NCAM2: variants seen among roughly 807,000 people sequenced by gnomAD.
The protein encoded by NCAM2 is N-CAM-2.
NCAM2 carries 30 observed loss-of-function variants against 98.1 expected under a neutral mutation model. That is an observed-to-expected ratio of 0.31 (90% CI 0.23 to 0.41). The LOEUF (loss-of-function observed/expected upper bound fraction) is 0.41. Ranked by LOEUF, NCAM2 falls within the 10% of genes least tolerant of loss-of-function variation. The pLI, the probability that NCAM2 is intolerant of heterozygous loss-of-function variation, is 1.00. For missense variants in NCAM2, 867 were observed against 1,005.8 expected, an observed-to-expected ratio of 0.86 and a Z score of 1.87; for synonymous variants, 368 against 342.4, an observed-to-expected ratio of 1.07 and a Z score of -0.83.
At chr21:21,270,895 T>A (rs1289079440) in intron 1 of NCAM2, among the ~76,000 whole-genome samples, 4 of 152,140 alleles carry the variant, frequency 2.6e-5, no homozygotes, top group Non-Finnish European at 5.9e-5. Context: ...CTTCCCTAGT[T>A]CATCATCTCT....
chr21:21,088,400 G>GTGTA (rs2065944255), intron 1 of NCAM2, among the ~76,000 whole-genome samples: 1 of 152,130 alleles, frequency 6.6e-6, no homozygotes, highest in African/African-American at 2.4e-5. Context: ...ATATGTAATT[G>GTGTA]TGTATATGGC....
At chr21:21,346,222 A>AAC (rs1555877226) in intron 8 of NCAM2, among the ~76,000 whole-genome samples, 2 of 151,758 alleles carry the variant, frequency 1.3e-5, no homozygotes, top group Non-Finnish European at 2.9e-5. Flanking sequence ...AAAAAAAAAA[A>AAC]AACAGGAGTC....
intron 1 of NCAM2, among the ~76,000 whole-genome samples, chr21:21,237,567 T>C (rs936711030): frequency 1.3e-5 from 2 of 152,120 alleles, no homozygotes; most frequent in African/African-American, 4.8e-5. Context: ...AAATAAAGGA[T>C]TTATATCCCA....
intron 16 of NCAM2, among the ~76,000 whole-genome samples, chr21:21,517,171 C>T (rs2146377698): frequency 6.6e-6 from 1 of 152,292 alleles, no homozygotes; most frequent in East Asian, 1.9e-4. Flanking sequence ...TTCAATTCCA[C>T]TTCAAATGCT....
At chr21:21,484,522 T>C (rs1986177729) in intron 15 of NCAM2, among the ~76,000 whole-genome samples, 1 of 152,188 alleles carries the variant, frequency 6.6e-6, no homozygotes, top group African/African-American at 2.4e-5. Context: ...CTGCTGGGTT[T>C]TCTTTCATTA....
In NCAM2 at chr21:21,273,811, A is replaced by T. The variant is rs1390662505; in HGVS notation, c.56-6767A>T. Reference sequence around the variant, plus strand: ...AATTTATTATTATTTCTTGTTTAGGATGAAACTTTATTAAAGAGTGTGCAT... The same window carrying T: ...AATTTATTATTATTTCTTGTTTAGGTTGAAACTTTATTAAAGAGTGTGCAT... On this transcript the variant is annotated intron_variant, in intron 1 of 17. Coordinates refer to ENST00000400546, the MANE Select transcript of NCAM2 (RefSeq NM_004540.5). 2.0e-5 allele frequency among the ~76,000 whole-genome samples: 3 copies of T among 152,038 alleles called. No individual in the cohort carries two copies. The East Asian group carries it at 5.8e-4, about 29-fold the overall frequency.
At chr21:21,210,464 T>A (rs964285722) in intron 1 of NCAM2, 1 of 1,174,014 alleles carries the variant, frequency 8.5e-7, no homozygotes, top group African/African-American at 1.6e-5. Flanking sequence ...ATATTTACTG[T>A]AAGAATTCTT....
At chr21:21,245,106 T>C (rs1285669146) in intron 1 of NCAM2, among the ~76,000 whole-genome samples, 1 of 152,138 alleles carries the variant, frequency 6.6e-6, no homozygotes. Context: ...TTCATTTTTC[T>C]ATGTGGCGGC....
intron 1 of NCAM2, among the ~76,000 whole-genome samples, chr21:21,205,780 T>A (rs191418110): frequency 5.3e-5 from 8 of 152,244 alleles, no homozygotes; most frequent in African/African-American, 1.9e-4. Context: ...AGCTGCAAAG[T>A]CCAAGATTAG....
intron 1 of NCAM2, among the ~76,000 whole-genome samples, chr21:21,025,320 C>T (rs1411714980): frequency 6.6e-6 from 1 of 152,102 alleles, no homozygotes; most frequent in Non-Finnish European, 1.5e-5. Flanking sequence ...CTCCTGACCT[C>T]GTGGCCTGCC....
At chr21:21,043,831 G>A (rs2064955149) in intron 1 of NCAM2, among the ~76,000 whole-genome samples, 1 of 134,014 alleles carries the variant, frequency 7.5e-6, no homozygotes, top group African/African-American at 2.8e-5. Context: ...TCCAGCCTGG[G>A]TGACTTGTGA....
At chr21:21,170,729 C>T (rs2068094468) in intron 1 of NCAM2, among the ~76,000 whole-genome samples, 1 of 152,108 alleles carries the variant, frequency 6.6e-6, no homozygotes, top group Admixed American at 6.6e-5. Context: ...AATATATATT[C>T]TGAGTGAACC....
chr21:21,437,474 C>CTG (rs3990174), intron 12 of NCAM2, among the ~76,000 whole-genome samples: 2,740 of 144,522 alleles, frequency 0.019, 69 homozygotes, highest in Admixed American at 0.065. Context: ...CACCAAGATT[C>CTG]TGTGTGTGTG....
At chr21:21,226,095 G>C (rs2070370864) in intron 1 of NCAM2, among the ~76,000 whole-genome samples, 1 of 151,984 alleles carries the variant, frequency 6.6e-6, no homozygotes, top group Admixed American at 6.6e-5. Context: ...TTATAAGTAA[G>C]ATATAAACAA....
At chr21:21,094,513 A>T (rs1601348678) in intron 1 of NCAM2, among the ~76,000 whole-genome samples, 1 of 151,956 alleles carries the variant, frequency 6.6e-6, no homozygotes, top group Admixed American at 6.6e-5. Context: ...CTATTTATCT[A>T]GTTTAAACTA....
At position 21,124,137 on chromosome 21, in the gene NCAM2, G is replaced by C. The variant is rs192177349; in HGVS notation, c.55+125519G>C. 9.5e-4 allele frequency among the ~76,000 whole-genome samples: 145 copies of C among 152,028 alleles called. 2 individuals are homozygous for C. In the East Asian group the frequency reaches 0.024, roughly 25 times the overall value. On this transcript the variant is annotated intron_variant, in intron 1 of 17. Coordinates refer to ENST00000400546, the MANE Select transcript of NCAM2 (RefSeq NM_004540.5). ...GCTGAGCTTACAGGCGTGAGCCACC[G>C]CGCCCGTCCTGATTGCTTTCTAATA...
At chr21:21,314,617 G>C (rs2074161577) in intron 5 of NCAM2, among the ~76,000 whole-genome samples, 1 of 151,916 alleles carries the variant, frequency 6.6e-6, no homozygotes, top group African/African-American at 2.4e-5. Context: ...ATGACATTTT[G>C]GTAGTGTCTA....
intron 1 of NCAM2, among the ~76,000 whole-genome samples, chr21:21,032,948 T>C (rs56742314): frequency 2.2e-4 from 3 of 13,610 alleles, no homozygotes; most frequent in African/African-American, 4.0e-4. Flanking sequence ...TTCTTTCTTT[T>C]TTTTTTTTTT....
At chr21:21,149,520 A>G (rs755599915) in intron 1 of NCAM2, among the ~76,000 whole-genome samples, 1 of 151,994 alleles carries the variant, frequency 6.6e-6, no homozygotes, top group Non-Finnish European at 1.5e-5. Context: ...TCTAGGTTTT[A>G]AGCCCTGCAT....
Sources: gnomAD v4.1 joint callset for allele counts (sites outside exome capture counted in the v4.1 genomes callset) on GRCh38, gnomAD v4.1.1 for gene constraint, MANE v1.5 for transcripts, NCBI Gene and HGNC (gene_info 2026-07-23, HGNC 2026-07-21) for gene names.